Variants in DOCK5 observed in about 807,000 individuals in gnomAD.
DOCK5 encodes dedicator of cytokinesis 5, also known as dedicator of cytokinesis protein 5.
DOCK5 carries 142 observed loss-of-function variants against 251.8 expected under a neutral mutation model. The ratio of observed to expected loss-of-function variants is 0.56; its 90% confidence interval spans 0.49 to 0.65. The LOEUF is 0.65. Among genes scored for constraint, DOCK5 ranks in the 30% least tolerant of loss-of-function variants. DOCK5 has a pLI of 0.00. For synonymous variants in DOCK5, 842 were observed against 835.5 expected (o/e 1.01, Z -0.13); for missense variants, 2,111 against 2,312.3 (o/e 0.91, Z 1.79).
intron 13 of DOCK5, among the ~76,000 whole-genome samples, chr8:25,315,190 GCAGCCTCATCTCACACC>G (rs1805211497): frequency 4.5e-5 from 5 of 111,672 alleles, no homozygotes; most frequent in Non-Finnish European, 9.8e-5. Flanking sequence ...ATCTGTCTCT[GCAGCCTCATCTCACACC>G]AGACACCCCC....
At chr8:25,261,844 C>G (rs1325662803) in intron 2 of DOCK5, among the ~76,000 whole-genome samples, 2 of 152,308 alleles carry the variant, frequency 1.3e-5, no homozygotes, top group African/African-American at 4.8e-5. Flanking sequence ...AACTTCATAT[C>G]AGTGGAATTA....
chr8:25,190,300 G>A (rs964703452), intron 1 of DOCK5, among the ~76,000 whole-genome samples: 4 of 152,302 alleles, frequency 2.6e-5, no homozygotes, highest in South Asian at 2.1e-4. Flanking sequence ...GAAATAGGCC[G>A]TGAAGGTGTT....
chr8:25,257,549 T>G (rs1003087186), intron 2 of DOCK5, among the ~76,000 whole-genome samples: 1 of 152,178 alleles, frequency 6.6e-6, no homozygotes, highest in Non-Finnish European at 1.5e-5. Context: ...AATAGCCACC[T>G]GAAAAGTTCA....
intron 28 of DOCK5, among the ~76,000 whole-genome samples, chr8:25,362,267 A>G (rs186952788): frequency 1.2e-4 from 19 of 152,240 alleles, no homozygotes; most frequent in Non-Finnish European, 1.9e-4. Flanking sequence ...ACTGAAATCT[A>G]TTAAAAGTAT....
At chr8:25,227,060 T>G (rs1802551355) in intron 1 of DOCK5, among the ~76,000 whole-genome samples, 1 of 152,236 alleles carries the variant, frequency 6.6e-6, no homozygotes, top group Non-Finnish European at 1.5e-5. Context: ...ACTACAGTGT[T>G]GCAATAAACA....
At chr8:25,189,147 A>G (rs1801514153) in intron 1 of DOCK5, among the ~76,000 whole-genome samples, 1 of 149,712 alleles carries the variant, frequency 6.7e-6, no homozygotes, top group African/African-American at 2.5e-5. Flanking sequence ...CAGCCTTCCA[A>G]GTTGCTGGAA....
rs993163606 is a variant in DOCK5 at position 25,383,581 on chromosome 8, G to A, written c.4131+803G>A. Among the ~76,000 whole-genome samples, 4 of 152,160 alleles carry A rather than the reference G, an allele frequency of 2.6e-5. No individual in the cohort carries two copies. The East Asian group carries it at 5.8e-4, about 22-fold the overall frequency. On this transcript the variant is annotated intron_variant, in intron 40 of 51. Transcript: ENST00000276440. The stretch of plus-strand genomic sequence containing the variant: ...GTAAAATTTAATCTGCATGTCGGAC[G>A]CAGTGGCTCATGCCTGTAATCCCAG...
intron 26 of DOCK5, chr8:25,351,419 C>T (rs934729260): frequency 9.8e-6 from 3 of 305,470 alleles, no homozygotes; most frequent in Non-Finnish European, 1.9e-5. Context: ...AATGGGGGTC[C>T]CCCAAAACTA....
At chr8:25,257,807 A>C (rs1349831951) in intron 2 of DOCK5, among the ~76,000 whole-genome samples, 4 of 152,194 alleles carry the variant, frequency 2.6e-5, no homozygotes, top group South Asian at 2.1e-4. Context: ...TTTCGAAGTC[A>C]TGCTGATGAT....
intron 1 of DOCK5, among the ~76,000 whole-genome samples, chr8:25,222,289 C>G (rs758695870): frequency 6.6e-6 from 1 of 152,122 alleles, no homozygotes; most frequent in Non-Finnish European, 1.5e-5. Context: ...AGAGGCAGAC[C>G]ATACTCTTGA....
At chr8:25,323,166 C>T (rs1476295172) in intron 16 of DOCK5, among the ~76,000 whole-genome samples, 1 of 152,152 alleles carries the variant, frequency 6.6e-6, no homozygotes, top group South Asian at 2.1e-4. Flanking sequence ...GGAGCTCTGC[C>T]TCCTCATGAA....
intron 22 of DOCK5, among the ~76,000 whole-genome samples, chr8:25,340,291 A>G (rs1025787386): frequency 1.2e-4 from 18 of 152,352 alleles, no homozygotes; most frequent in African/African-American, 2.2e-4. Flanking sequence ...TTTGGGTACT[A>G]TATAAGGTAT....
chr8:25,399,893 G>A lies in DOCK5; in HGVS notation c.4705-18G>A, dbSNP rs775655028. 5.6e-6 allele frequency: 9 copies of A among 1,597,656 alleles called. No individual in the cohort carries two copies. The highest frequency in any genetic ancestry group is 7.7e-6 in the Non-Finnish European group (9 of 1,169,028). ...TAGGAATGTGTTCTAATTAAAACTT[G>A]CATATGCTTTTTTTTAGGCTTTTTT... On this transcript the variant is annotated intron_variant, in intron 45 of 51. Transcript: ENST00000276440.
chr8:25,364,394 A>G (rs1182682030), intron 29 of DOCK5, among the ~76,000 whole-genome samples: 5 of 152,154 alleles, frequency 3.3e-5, no homozygotes, highest in African/African-American at 1.2e-4. Context: ...TCTACCTTCA[A>G]TTACCTAAAT....
At chr8:25,276,177 T>C (rs1184485439) in intron 4 of DOCK5, among the ~76,000 whole-genome samples, 1 of 152,192 alleles carries the variant, frequency 6.6e-6, no homozygotes, top group African/African-American at 2.4e-5. Context: ...AGCCTGCATT[T>C]ACCAGCTCTG....
intron 38 of DOCK5, among the ~76,000 whole-genome samples, chr8:25,379,171 A>G (rs1259598925): frequency 6.6e-6 from 1 of 152,224 alleles, no homozygotes; most frequent in Non-Finnish European, 1.5e-5. Flanking sequence ...ACAAGGTTTG[A>G]GAGCAGAGAA....
intron 25 of DOCK5, among the ~76,000 whole-genome samples, chr8:25,344,054 C>A (rs946633313): frequency 5.3e-5 from 8 of 152,186 alleles, no homozygotes; most frequent in Non-Finnish European, 1.0e-4. Flanking sequence ...GTGATCCACC[C>A]ACCTTGGCCT....
intron 3 of DOCK5, among the ~76,000 whole-genome samples, chr8:25,273,812 A>G (rs186573234): frequency 1.2e-3 from 189 of 152,184 alleles, no homozygotes; most frequent in Non-Finnish European, 2.2e-3. Context: ...TTTGTTTTCA[A>G]TTATTTGATC....
chr8:25,292,247 G>C, intron 6 of DOCK5, 75 bp downstream of exon 6: 1 of 1,417,320 alleles, frequency 7.1e-7, no homozygotes, highest in Non-Finnish European at 9.3e-7. Context: ...GACACTGTTT[G>C]CAGCGACCTT....
Sources: allele counts gnomAD v4.1 joint callset (sites outside exome capture counted in the v4.1 genomes callset), GRCh38; gene constraint gnomAD v4.1.1; transcripts MANE v1.5; gene names NCBI Gene and HGNC (gene_info 2026-07-23, HGNC 2026-07-21).